BMP2K: variants seen among roughly 807,000 people sequenced by gnomAD.
BMP2K encodes the protein BMP2 inducible kinase, also known as BMP-2-inducible protein kinase.
In BMP2K, 74 loss-of-function variants were observed where a neutral mutation model predicts 116.0. The ratio of observed to expected loss-of-function variants is 0.64; its 90% CI spans 0.53 to 0.77. BMP2K has a LOEUF of 0.77. BMP2K is among the 30% of genes least tolerant of loss of function. The pLI, the probability that BMP2K is intolerant of heterozygous loss-of-function variation, is 0.00. For missense variants in BMP2K, 1,365 were observed against 1,403.6 expected, an observed-to-expected ratio of 0.97 and a Z score of 0.44; for synonymous variants, 486 against 502.5, an observed-to-expected ratio of 0.97 and a Z score of 0.44.
intron 15 of BMP2K, among the ~76,000 whole-genome samples, chr4:78,890,518 G>A (rs1393174642): frequency 1.3e-5 from 2 of 151,824 alleles, no homozygotes; most frequent in South Asian, 4.2e-4. Context: ...GTAAATATTT[G>A]TCACCACTGA....
chr4:78,823,387 T>G (rs1729713655), intron 1 of BMP2K, among the ~76,000 whole-genome samples: 1 of 151,718 alleles, frequency 6.6e-6, no homozygotes, highest in South Asian at 2.1e-4. Flanking sequence ...GGGGAACTCT[T>G]TTCCCTCTTC....
At chr4:78,864,803 A>G (rs1007119868) in intron 9 of BMP2K, among the ~76,000 whole-genome samples, 4 of 152,216 alleles carry the variant, frequency 2.6e-5, no homozygotes, top group African/African-American at 9.6e-5. Context: ...CCTATTAACA[A>G]GTATTTGAGT....
intron 14 of BMP2K, among the ~76,000 whole-genome samples, chr4:78,880,740 A>T (rs1295453948): frequency 6.6e-6 from 1 of 152,216 alleles, no homozygotes; most frequent in Non-Finnish European, 1.5e-5. Flanking sequence ...AATAGCTTAA[A>T]ACTTCATGAT....
chr4:78,815,569 C>T (rs1342278568), intron 1 of BMP2K, among the ~76,000 whole-genome samples: 1 of 152,000 alleles, frequency 6.6e-6, no homozygotes, highest in Non-Finnish European at 1.5e-5. Flanking sequence ...GAAAAACATA[C>T]TTTGTTTCTT....
intron 8 of BMP2K, among the ~76,000 whole-genome samples, chr4:78,860,856 A>G (rs1731743038): frequency 1.4e-5 from 2 of 145,552 alleles, no homozygotes; most frequent in South Asian, 2.2e-4. Flanking sequence ...TTGCAGTTCT[A>G]AAAGTAGATA....
intron 7 of BMP2K, among the ~76,000 whole-genome samples, chr4:78,855,513 A>G (rs7684067): frequency 0.048 from 7,359 of 152,210 alleles, 560 homozygotes; most frequent in African/African-American, 0.17. Context: ...TGTAACTTGA[A>G]TGGTAACTAC....
At chr4:78,802,849 TTC>T (rs1728635285) in intron 1 of BMP2K, among the ~76,000 whole-genome samples, 1 of 151,054 alleles carries the variant, frequency 6.6e-6, no homozygotes, top group East Asian at 1.9e-4. Context: ...TTTTTTTTTG[TTC>T]TCTTTTTTGT....
chr4:78,832,542 T>C (rs1282752514), intron 2 of BMP2K, among the ~76,000 whole-genome samples: 1 of 152,160 alleles, frequency 6.6e-6, no homozygotes, highest in Non-Finnish European at 1.5e-5. Flanking sequence ...GTTAAGGCTG[T>C]TAGCTAGAAG....
chr4:78,855,940 C>T (rs1731485971), intron 7 of BMP2K, among the ~76,000 whole-genome samples: 1 of 152,058 alleles, frequency 6.6e-6, no homozygotes, highest in Non-Finnish European at 1.5e-5. Context: ...TAAACAAGGG[C>T]GTATTCTAGT....
intron 2 of BMP2K, among the ~76,000 whole-genome samples, chr4:78,827,883 T>C (rs573894365): frequency 3.4e-4 from 52 of 152,388 alleles, no homozygotes; most frequent in Non-Finnish European, 6.8e-4. Flanking sequence ...CCATTCACTT[T>C]GGAACTGTCG....
At chr4:78,865,799 G>A in intron 10 of BMP2K, 79 bp downstream of exon 10, 2 of 1,425,820 alleles carry the variant, frequency 1.4e-6, no homozygotes, top group South Asian at 1.3e-5. Context: ...CTGACCTCAG[G>A]TGATCCTTAA....
intron 13 of BMP2K, among the ~76,000 whole-genome samples, chr4:78,876,280 G>A (rs777012692): frequency 2.4e-4 from 36 of 151,560 alleles, no homozygotes; most frequent in Non-Finnish European, 4.0e-4. Flanking sequence ...TCAATTTTCT[G>A]GGTAAAAACA....
chr4:78,785,074 A>G lies in BMP2K; in HGVS notation c.178+8353A>G, dbSNP rs545642893. Among the ~76,000 whole-genome samples the G allele has an allele frequency of 5.9e-5, 9 of 152,184 alleles. No individual in the cohort carries two copies. In the South Asian group the frequency reaches 1.9e-3, roughly 32 times the overall value. On this transcript the variant is annotated intron_variant, in intron 1 of 15. Transcript: ENST00000502613. ...AGACTTCACAATGGAATGGCAATTT[A>G]TTTTTTAATCCTAAAGTATGAAATT...
chr4:78,801,564 A>G (rs920076706), intron 1 of BMP2K, among the ~76,000 whole-genome samples: 8 of 151,958 alleles, frequency 5.3e-5, no homozygotes, highest in Non-Finnish European at 5.9e-5. Context: ...CTCCTTGTCA[A>G]TCTCTTCAAA....
At chr4:78,855,259 A>G (rs983609089) in intron 7 of BMP2K, among the ~76,000 whole-genome samples, 15 of 152,182 alleles carry the variant, frequency 9.9e-5, no homozygotes, top group Non-Finnish European at 2.2e-4. Context: ...ATGTTGATGC[A>G]TGAAATATTT....
rs1441428987 is a variant in BMP2K, at chr4:78,848,624, T to C, written c.750+1355T>C. On this transcript the variant is annotated intron_variant, in intron 6 of 15. Transcript: ENST00000502613. ...CTAAGCACATGACTGTTATCCAATA[T>C]CTTAACAAAAAAGGAGGAGATCATT... Among the ~76,000 whole-genome samples the C allele has an allele frequency of 2.0e-5, 3 of 151,424 alleles. No individual in the cohort carries two copies. In the South Asian group the frequency reaches 6.2e-4, roughly 31 times the overall value.
intron 15 of BMP2K, among the ~76,000 whole-genome samples, chr4:78,908,084 A>G (rs1734378262): frequency 6.6e-6 from 1 of 152,100 alleles, no homozygotes; most frequent in South Asian, 2.1e-4. Context: ...GTCAAACTTG[A>G]GAATCTGCAT....
intron 15 of BMP2K, among the ~76,000 whole-genome samples, chr4:78,897,093 T>C (rs891670047): frequency 3.9e-5 from 6 of 152,054 alleles, no homozygotes; most frequent in African/African-American, 1.4e-4. Flanking sequence ...TTTATATATA[T>C]ATATAATGCT....
At chr4:78,889,220 C>CAAA (rs71661191) in intron 15 of BMP2K, among the ~76,000 whole-genome samples, 50 of 53,364 alleles carry the variant, frequency 9.4e-4, no homozygotes, top group African/African-American at 1.6e-3. Context: ...GACTCTGTCT[C>CAAA]AAAAAAAAAA....
Sources: allele counts gnomAD v4.1 joint callset (sites outside exome capture counted in the v4.1 genomes callset), GRCh38; gene constraint gnomAD v4.1.1; transcripts MANE v1.5; gene names NCBI Gene and HGNC (gene_info 2026-07-23, HGNC 2026-07-21).